The following PRIM2 variants were observed in gnomAD, a reference collection of about 807,000 sequenced individuals.
PRIM2 encodes the protein DNA primase large subunit.
In PRIM2, 39 loss-of-function variants were observed where a neutral mutation model predicts 67.3. That is an observed-to-expected ratio of 0.58 (90% confidence interval 0.45 to 0.76). PRIM2 has a LOEUF of 0.76. Ranked by LOEUF, PRIM2 falls within the 30% of genes least tolerant of loss-of-function variation. The probability of loss-of-function intolerance (pLI) is 0.00; values close to 1 mark genes in which losing one functional copy is unlikely to be tolerated. For synonymous variants in PRIM2, 143 were observed against 198.7 expected (o/e 0.72, Z 2.36); for missense variants, 398 against 598.7 (o/e 0.66, Z 3.50).
chr6:57,433,110 G>A (rs1355380533), intron 7 of PRIM2, among the ~76,000 whole-genome samples: 1 of 152,158 alleles, frequency 6.6e-6, no homozygotes, highest in African/African-American at 2.4e-5. Context: ...GGTTTCAGTG[G>A]CAGTGTTAAA....
At chr6:57,309,947 T>G (rs567067961), upstream of PRIM2, among the ~76,000 whole-genome samples, 2 of 152,134 alleles carry the variant, frequency 1.3e-5, no homozygotes, top group South Asian at 4.2e-4. Context: ...ACAAATGGGA[T>G]CTAATTAAAC....
In PRIM2 at chr6:57,376,251, C is replaced by T. The variant is rs543319348; in HGVS notation, c.460-3650C>T. Among the ~76,000 whole-genome samples the T allele has an allele frequency of 5.9e-5, 9 of 152,104 alleles. No individual in the cohort carries two copies. The South Asian group carries it at 8.3e-4, about 14-fold the overall frequency. ...CTAGTCTCAAACTCCTGGCCTCAAG[C>T]GATCCAACCACCTCAGCCTCCCAAG... On this transcript the variant is annotated intron_variant, in intron 5 of 13. Transcript: ENST00000615550.
At position 57,356,035 on chromosome 6, in the gene PRIM2, A is replaced by G. The variant is rs1317504233; in HGVS notation, c.460-23866A>G. ...CATTCGAGACCTAGGGTGTTAGGAT[A>G]GGGCATCTGAGGTATAGACATATGA... On this transcript the variant is annotated intron_variant, in intron 5 of 13. Coordinates refer to ENST00000615550, the MANE Select transcript of PRIM2 (RefSeq NM_000947.5). 4.6e-5 allele frequency among the ~76,000 whole-genome samples: 7 copies of G among 152,294 alleles called. No individual in the cohort carries two copies. The East Asian group carries it at 1.4e-3, about 29-fold the overall frequency.
intron 10 of PRIM2, among the ~76,000 whole-genome samples, chr6:57,585,176 CAA>C (rs1776166944): frequency 6.6e-6 from 1 of 152,016 alleles, no homozygotes; most frequent in Non-Finnish European, 1.5e-5. Context: ...AAGCTGGAGG[CAA>C]AATATAAGTA....
rs747952511 is a variant in PRIM2, at chr6:57,382,172, A to G, written c.693+4A>G. 6 of 1,612,032 alleles carry G rather than the reference A, an allele frequency of 3.7e-6. No individual in the cohort carries two copies. The Admixed American group carries it at 5.0e-5, about 13-fold the overall frequency. The stretch of plus-strand genomic sequence containing the variant: ...CAAACTGTCCAAGGCTTTGGCAGTG[A>G]GTATTTTACTTGATTTCTGTATCTG... On this transcript the variant is annotated splice_donor_region_variant and intron_variant, in intron 7 of 13. Transcript: ENST00000615550.
chr6:57,603,460 T>C (rs1473348925), intron 11 of PRIM2, among the ~76,000 whole-genome samples: 1 of 152,226 alleles, frequency 6.6e-6, no homozygotes, highest in Non-Finnish European at 1.5e-5. Context: ...ATTGCCTATA[T>C]TTATTGACTT....
At chr6:57,521,367 GTTTTTTTTTTTTTTT>G (rs1163114437) in intron 8 of PRIM2, among the ~76,000 whole-genome samples, 1 of 97,956 alleles carries the variant, frequency 1.0e-5, no homozygotes, top group Non-Finnish European at 1.9e-5. Flanking sequence ...TGTGGTTAGG[GTTTTTTTTTTTTTTT>G]TTTTTTTTTT....
intron 5 of PRIM2, among the ~76,000 whole-genome samples, chr6:57,374,307 T>TTTATTTATTTATTTA (rs1562718660): frequency 5.7e-4 from 30 of 52,980 alleles, no homozygotes; most frequent in East Asian, 2.0e-3. Context: ...TTATTTATTT[T>TTTATTTATTTATTTA]TTTTGAGACG....
chr6:57,490,613 A>G (rs1773867080), intron 7 of PRIM2, among the ~76,000 whole-genome samples: 1 of 152,240 alleles, frequency 6.6e-6, no homozygotes, highest in Non-Finnish European at 1.5e-5. Context: ...GAAGTCATAA[A>G]AAGAACAGAG....
At chr6:57,607,475 T>C (rs1378746020) in intron 12 of PRIM2, among the ~76,000 whole-genome samples, 2 of 152,278 alleles carry the variant, frequency 1.3e-5, no homozygotes, top group Admixed American at 6.5e-5. Context: ...AGGAACCCTT[T>C]ATGGAAGAGA....
intron 10 of PRIM2, among the ~76,000 whole-genome samples, chr6:57,559,434 A>G (rs1775585650): frequency 6.6e-6 from 1 of 152,126 alleles, no homozygotes. Context: ...GCAGCTAGTT[A>G]TGCCTTTCTC....
intron 8 of PRIM2, among the ~76,000 whole-genome samples, chr6:57,529,049 G>A (rs1157447426): frequency 7.9e-5 from 12 of 152,134 alleles, no homozygotes; most frequent in Non-Finnish European, 1.5e-4. Context: ...AGTGGCTCAC[G>A]CCTGTAATCC....
intron 10 of PRIM2, among the ~76,000 whole-genome samples, chr6:57,595,694 C>T (rs1776353581): frequency 6.6e-6 from 1 of 152,126 alleles, no homozygotes; most frequent in African/African-American, 2.4e-5. Context: ...TTAAGGGATA[C>T]AGGTGAACAG....
At chr6:57,595,897 C>A (rs1448797772) in intron 10 of PRIM2, among the ~76,000 whole-genome samples, 6 of 152,080 alleles carry the variant, frequency 3.9e-5, no homozygotes, top group Non-Finnish European at 8.8e-5. Flanking sequence ...CAGCCCCCTC[C>A]TTTTCCTGGA....
intron 5 of PRIM2, among the ~76,000 whole-genome samples, chr6:57,355,606 T>A (rs1769006728): frequency 2.0e-5 from 3 of 152,258 alleles, no homozygotes; most frequent in African/African-American, 7.2e-5. Flanking sequence ...CTGTGGCTGA[T>A]TTAGGGCAAA....
At chr6:57,615,715 G>C (rs1776744064) in intron 12 of PRIM2, among the ~76,000 whole-genome samples, 1 of 152,252 alleles carries the variant, frequency 6.6e-6, no homozygotes, top group African/African-American at 2.4e-5. Flanking sequence ...GGGCAACATA[G>C]GTAGACCCTG....
intron 11 of PRIM2, among the ~76,000 whole-genome samples, chr6:57,605,744 A>G (rs1306169007): frequency 2.6e-5 from 4 of 152,142 alleles, no homozygotes; most frequent in Admixed American, 2.6e-4. Flanking sequence ...ATTTATGTGA[A>G]TATTTCTAGT....
the PRIM2 span, among the ~76,000 whole-genome samples, chr6:57,264,452 T>C: frequency 6.6e-6 from 1 of 152,128 alleles, no homozygotes; most frequent in Non-Finnish European, 1.5e-5. Flanking sequence ...TCGTCATCAC[T>C]TCAAATACTC....
At chr6:57,292,422 C>A in the PRIM2 span, among the ~76,000 whole-genome samples, 68 of 152,182 alleles carry the variant, frequency 4.5e-4, no homozygotes, top group African/African-American at 1.5e-3. Context: ...CCATACTGCC[C>A]AAGGTAATTT....
Sources: gnomAD v4.1 joint callset for allele counts (sites outside exome capture counted in the v4.1 genomes callset) on GRCh38, gnomAD v4.1.1 for gene constraint, MANE v1.5 for transcripts, NCBI Gene and HGNC (gene_info 2026-07-23, HGNC 2026-07-21) for gene names.